Variants in SLC4A10 observed in about 807,000 individuals in gnomAD.
SLC4A10 encodes the protein solute carrier family 4 member 10.
Under a neutral mutation model 137.7 loss-of-function variants are expected in SLC4A10, and 42 were observed. The observed-to-expected ratio is 0.30, with a 90% CI of 0.24 to 0.39. SLC4A10 has a LOEUF of 0.39. Ranked by LOEUF, SLC4A10 falls within the 10% of genes least tolerant of loss-of-function variation. The pLI is 1.00. For missense variants in SLC4A10, 925 were observed against 1,355.0 expected (o/e 0.68, Z 4.98); for synonymous variants, 474 against 464.1 (o/e 1.02, Z -0.27).
intron 21 of SLC4A10, among the ~76,000 whole-genome samples, chr2:161,963,878 T>C (rs922183243): frequency 1.3e-5 from 2 of 152,210 alleles, no homozygotes; most frequent in African/African-American, 2.4e-5. Context: ...ATATTTAACA[T>C]TGGCTTTCTA....
At chr2:161,809,982 A>G (rs2056382268) in intron 3 of SLC4A10, among the ~76,000 whole-genome samples, 1 of 152,042 alleles carries the variant, frequency 6.6e-6, no homozygotes, top group Non-Finnish European at 1.5e-5. Context: ...TGGCCATTTT[A>G]ATGATATTGA....
chr2:161,743,252 G>A (rs1435604699), intron 1 of SLC4A10, among the ~76,000 whole-genome samples: 1 of 152,140 alleles, frequency 6.6e-6, no homozygotes, highest in Non-Finnish European at 1.5e-5. Context: ...ATAGTTTCAT[G>A]TATTAGATTT....
chr2:161,899,930 A>G (rs1264208369), intron 11 of SLC4A10, among the ~76,000 whole-genome samples: 1 of 152,102 alleles, frequency 6.6e-6, no homozygotes, highest in Non-Finnish European at 1.5e-5. Context: ...AACCTTTTTT[A>G]TGTTTTAAAC....
intron 10 of SLC4A10, among the ~76,000 whole-genome samples, chr2:161,884,198 C>G (rs1016452173): frequency 6.6e-6 from 1 of 152,136 alleles, no homozygotes; most frequent in African/African-American, 2.4e-5. Flanking sequence ...TTATCACTTT[C>G]ACATACATTT....
At chr2:161,716,054 T>C (rs183438649) in intron 1 of SLC4A10, among the ~76,000 whole-genome samples, 1 of 152,302 alleles carries the variant, frequency 6.6e-6, no homozygotes, top group African/African-American at 2.4e-5. Flanking sequence ...TATCTTATTG[T>C]GGTTTTAATT....
chr2:161,950,165 C>T (rs1466533942), intron 18 of SLC4A10, among the ~76,000 whole-genome samples: 1 of 151,948 alleles, frequency 6.6e-6, no homozygotes, highest in Admixed American at 6.6e-5. Context: ...GTTACAATAC[C>T]ATAATGATGT....
chr2:161,791,116 G>T (rs1350398568), intron 2 of SLC4A10, among the ~76,000 whole-genome samples: 3 of 152,142 alleles, frequency 2.0e-5, no homozygotes, highest in African/African-American at 7.2e-5. Flanking sequence ...CCATTAATGT[G>T]TATATACCCA....
intron 23 of SLC4A10, 118 bp downstream of exon 23, chr2:161,965,291 A>T (rs1697389799): frequency 1.0e-6 from 1 of 982,466 alleles, no homozygotes; most frequent in Non-Finnish European, 1.4e-6. Context: ...AGTGATCACT[A>T]ACAACCACAA....
chr2:161,725,015 G>T (rs556841040), intron 1 of SLC4A10, among the ~76,000 whole-genome samples: 11 of 152,206 alleles, frequency 7.2e-5, no homozygotes, highest in Middle Eastern at 3.4e-3. Context: ...CTTATATGGT[G>T]CTTGGCACAT....
chr2:161,926,440 G>A (rs1283623375), intron 15 of SLC4A10, among the ~76,000 whole-genome samples: 271 of 138,962 alleles, frequency 2.0e-3, no homozygotes, highest in African/African-American at 6.7e-3. Flanking sequence ...TTTATTTTGA[G>A]CCTATGTGTG....
chr2:161,705,953 A>G (rs1251753770), intron 1 of SLC4A10, among the ~76,000 whole-genome samples: 1 of 151,608 alleles, frequency 6.6e-6, no homozygotes, highest in African/African-American at 2.4e-5. Flanking sequence ...CCATATCTTA[A>G]TAACACTGGT....
rs116216281 is a variant in SLC4A10 at position 161,830,177 on chromosome 2, A to G, written c.278-9612A>G. 6.0e-5 allele frequency among the ~76,000 whole-genome samples: 9 copies of G among 151,036 alleles called. No homozygotes were observed. In the South Asian group the frequency reaches 1.9e-3, roughly 32 times the overall value. On this transcript the variant is annotated intron_variant, in intron 3 of 26. Coordinates refer to ENST00000446997, the MANE Select transcript of SLC4A10 (RefSeq NM_001178015.2). ...GAACTAAAGCAAAAAAAAAAAAAAA[A>G]TAACAACAACCAGGGCAGTTTTATT...
chr2:161,793,248 T>C (rs2054400122), intron 2 of SLC4A10, among the ~76,000 whole-genome samples: 1 of 152,180 alleles, frequency 6.6e-6, no homozygotes, highest in Non-Finnish European at 1.5e-5. Flanking sequence ...AATAACTAAA[T>C]ATAGCTAATT....
intron 1 of SLC4A10, among the ~76,000 whole-genome samples, chr2:161,630,162 G>A (rs2033247295): frequency 6.6e-6 from 1 of 151,874 alleles, no homozygotes; most frequent in Admixed American, 6.6e-5. Context: ...ATGAATGAGA[G>A]TTCCTCTTGC....
At chr2:161,813,825 G>T (rs1418190839) in intron 3 of SLC4A10, among the ~76,000 whole-genome samples, 1 of 151,990 alleles carries the variant, frequency 6.6e-6, no homozygotes, top group Non-Finnish European at 1.5e-5. Flanking sequence ...AGTTTTTCTA[G>T]AACAGTGGTT....
chr2:161,726,625 T>A (rs2046250976), intron 1 of SLC4A10, among the ~76,000 whole-genome samples: 1 of 152,134 alleles, frequency 6.6e-6, no homozygotes, highest in Non-Finnish European at 1.5e-5. Context: ...TAAGAGAGAA[T>A]TCGCCGGGTG....
chr2:161,641,197 T>C (rs1272909292), intron 1 of SLC4A10, among the ~76,000 whole-genome samples: 4 of 152,186 alleles, frequency 2.6e-5, no homozygotes, highest in African/African-American at 9.6e-5. Flanking sequence ...TACAATATGA[T>C]AGGCTAGACA....
chr2:161,795,707 C>T (rs2054699427), intron 2 of SLC4A10, among the ~76,000 whole-genome samples: 1 of 151,974 alleles, frequency 6.6e-6, no homozygotes, highest in Non-Finnish European at 1.5e-5. Context: ...TTTTTTGAAC[C>T]TCAATTTCAT....
At chr2:161,840,032 G>T (rs1371986443) in intron 4 of SLC4A10, 105 bp downstream of exon 4, 1 of 1,395,380 alleles carries the variant, frequency 7.2e-7, no homozygotes, top group South Asian at 1.3e-5. Context: ...GATTGCTGCT[G>T]ATTTTAGAAG....
Sources: allele counts gnomAD v4.1 joint callset (sites outside exome capture counted in the v4.1 genomes callset), GRCh38; gene constraint gnomAD v4.1.1; transcripts MANE v1.5; gene names NCBI Gene and HGNC (gene_info 2026-07-23, HGNC 2026-07-21).